Variants in RTN1 observed in about 807,000 individuals in gnomAD.
RTN1 encodes the protein reticulon-1.
In RTN1, 25 loss-of-function variants were observed where a neutral mutation model predicts 65.5. The ratio of observed to expected loss-of-function variants is 0.38; its 90% confidence interval spans 0.28 to 0.53. The LOEUF (loss-of-function observed/expected upper bound fraction) is 0.53. RTN1 is among the 20% of genes least tolerant of loss of function. The pLI, the probability that RTN1 is intolerant of heterozygous loss-of-function variation, is 0.79. For synonymous variants in RTN1, 471 were observed against 447.6 expected (o/e 1.05, Z -0.66); for missense variants, 983 against 1,025.4 (o/e 0.96, Z 0.57).
At chr14:59,680,714 T>A (rs1404120949) in intron 3 of RTN1, among the ~76,000 whole-genome samples, 1 of 152,140 alleles carries the variant, frequency 6.6e-6, no homozygotes, top group Non-Finnish European at 1.5e-5. Context: ...AGAAAATAAT[T>A]TGAAATGAAC....
At chr14:59,677,692 T>C (rs899376996) in intron 3 of RTN1, among the ~76,000 whole-genome samples, 1 of 152,200 alleles carries the variant, frequency 6.6e-6, no homozygotes, top group Admixed American at 6.5e-5. Flanking sequence ...ACCTGCCTTC[T>C]ACAGGTAAAT....
intron 1 of RTN1, among the ~76,000 whole-genome samples, chr14:59,807,212 G>T (rs937537007): frequency 6.6e-6 from 1 of 152,208 alleles, no homozygotes; most frequent in Non-Finnish European, 1.5e-5. Context: ...GCATGTGGCT[G>T]CAGAGTGAAG....
At chr14:59,671,488 T>A (rs1181382453) in intron 3 of RTN1, among the ~76,000 whole-genome samples, 1 of 152,174 alleles carries the variant, frequency 6.6e-6, no homozygotes, top group Non-Finnish European at 1.5e-5. Context: ...ATATACCAAA[T>A]GATAGACACT....
chr14:59,706,526 T>C (rs1480924040), intron 3 of RTN1, among the ~76,000 whole-genome samples: 1 of 149,302 alleles, frequency 6.7e-6, no homozygotes, highest in East Asian at 1.9e-4. Context: ...TCCCTACACT[T>C]CTCCAGTCAC....
intron 1 of RTN1, among the ~76,000 whole-genome samples, chr14:59,799,364 T>C (rs141272824): frequency 4.1e-4 from 63 of 152,350 alleles, no homozygotes; most frequent in African/African-American, 1.5e-3. Flanking sequence ...ACTCTCCTTT[T>C]AACATTGAGG....
intron 3 of RTN1, among the ~76,000 whole-genome samples, chr14:59,691,174 T>C (rs1264771703): frequency 1.3e-5 from 2 of 151,908 alleles, no homozygotes; most frequent in African/African-American, 4.8e-5. Flanking sequence ...TAAACAAAAT[T>C]GATAGCCCAC....
intron 3 of RTN1, among the ~76,000 whole-genome samples, chr14:59,632,715 A>G (rs570331817): frequency 5.3e-5 from 8 of 152,280 alleles, no homozygotes; most frequent in African/African-American, 1.9e-4. Context: ...AATGTTCCCA[A>G]TAAGGAACAG....
In RTN1 at chr14:59,864,924, C is replaced by T. The variant is rs984512655; in HGVS notation, c.241+5466G>A. Among the ~76,000 whole-genome samples, 8 of 152,156 alleles carry T rather than the reference C, an allele frequency of 5.3e-5. No homozygotes were observed. The East Asian group carries it at 1.4e-3, about 26-fold the overall frequency. The stretch of plus-strand genomic sequence containing the variant: ...AATCAAGATTTTTTTCATCGCAATG[C>T]TACCCTGTAGCATATCAGCCATCCT... On this transcript the variant is annotated intron_variant, in intron 1 of 8. Transcript: ENST00000267484.
chr14:59,781,772 T>C (rs964125712), intron 1 of RTN1, among the ~76,000 whole-genome samples: 2 of 152,200 alleles, frequency 1.3e-5, no homozygotes, highest in African/African-American at 2.4e-5. Context: ...CCTGGGTATT[T>C]GATTTGATTA....
intron 1 of RTN1, among the ~76,000 whole-genome samples, chr14:59,827,961 G>A (rs1887063324): frequency 6.6e-6 from 1 of 152,186 alleles, no homozygotes; most frequent in South Asian, 2.1e-4. Context: ...CCGTACAAGA[G>A]GACAAGCAGA....
chr14:59,686,003 C>G (rs1174469473), intron 3 of RTN1, among the ~76,000 whole-genome samples: 1 of 152,152 alleles, frequency 6.6e-6, no homozygotes, highest in African/African-American at 2.4e-5. Context: ...ATAGAAAGCC[C>G]AGAGATAAAT....
chr14:59,602,385 G>A (rs1294302346), intron 8 of RTN1, among the ~76,000 whole-genome samples: 5 of 152,082 alleles, frequency 3.3e-5, no homozygotes, highest in African/African-American at 9.7e-5. Flanking sequence ...CACTTTAGAT[G>A]ACTACATACC....
At chr14:59,598,985 T>C (rs767358858) in intron 8 of RTN1, among the ~76,000 whole-genome samples, 1 of 152,316 alleles carries the variant, frequency 6.6e-6, no homozygotes, top group East Asian at 1.9e-4. Context: ...AACCCTGAAA[T>C]TGAACACAGA....
In RTN1 at chr14:59,607,303, T is replaced by A. The variant is rs143935668; in HGVS notation, c.1955A>T (p.Asp652Val). 4.9e-5 allele frequency: 79 copies of A among 1,613,910 alleles called. No individual in the cohort carries two copies. Among genetic ancestry groups the A allele is most frequent in the Non-Finnish European group, 6.4e-5 (76 of 1,179,982 alleles). Reference protein sequence around the residue: ...KSVLQAVQKTDEGHPFKAYLE... With the variant: ...KSVLQAVQKTVEGHPFKAYLE... ...CACTCACTTGAAAGGGTGGCCTTCG[T>A]CGGTTTTCTGCACTGCTTGTAAAAC... is the stretch of plus-strand genomic sequence containing the variant. The change falls in exon 4 of 9, where the codon GAC becomes GTC. Residue 652 changes from aspartate (D) to valine (V), a missense_variant. By Grantham distance (152) the Asp-to-Val change is radical (BLOSUM62 -3). Coordinates refer to ENST00000267484, the MANE Select transcript of RTN1 (RefSeq NM_021136.3).
At chr14:59,854,201 C>T (rs564028803) in intron 1 of RTN1, among the ~76,000 whole-genome samples, 1 of 152,142 alleles carries the variant, frequency 6.6e-6, no homozygotes, top group East Asian at 1.9e-4. Flanking sequence ...TTGCTTTTGG[C>T]TGAGGTTCTT....
In RTN1 at chr14:59,849,162, A is replaced by G. The variant is rs12897336; in HGVS notation, c.241+21228T>C. Among the ~76,000 whole-genome samples, 32,668 of 152,190 alleles carry G rather than the reference A, an allele frequency of 0.21. 3,914 individuals carry two copies. The highest frequency in any genetic ancestry group is 0.5 in the East Asian group (2,573 of 5,168). On this transcript the variant is annotated intron_variant, in intron 1 of 8. Transcript: ENST00000267484. The surrounding 1 kb of genome is among the most constrained non-coding windows in gnomAD (Gnocchi z 4.5). ...CTTAGATTAACCAAATCATAGTTCA[A>G]TACCCTGCTATATATTCAATAGGCC...
At chr14:59,770,844 A>T (rs765390818) in intron 1 of RTN1, among the ~76,000 whole-genome samples, 26 of 152,134 alleles carry the variant, frequency 1.7e-4, no homozygotes, top group Non-Finnish European at 3.1e-4. Flanking sequence ...CACGAGGTCA[A>T]TACCAACCTA....
chr14:59,713,843 T>C (rs909787592), intron 3 of RTN1, among the ~76,000 whole-genome samples: 1 of 152,168 alleles, frequency 6.6e-6, no homozygotes, highest in African/African-American at 2.4e-5. Flanking sequence ...ACCATACCAG[T>C]AATTCCAGCA....
chr14:59,596,880 A>C, intron 8 of RTN1, 93 bp from the exon 9 acceptor site: 1 of 926,754 alleles, frequency 1.1e-6, no homozygotes, highest in South Asian at 1.3e-5. Flanking sequence ...GTGACCAAAG[A>C]ACTTAATATT....
Sources: allele counts gnomAD v4.1 joint callset (sites outside exome capture counted in the v4.1 genomes callset), GRCh38; gene constraint gnomAD v4.1.1; non-coding constraint Gnocchi (gnomAD v3.1); transcripts MANE v1.5; gene names NCBI Gene and HGNC (gene_info 2026-07-23, HGNC 2026-07-21).